Variants in UQCRC2 observed in about 807,000 individuals in gnomAD.
UQCRC2 encodes ubiquinol-cytochrome c reductase core protein 2.
UQCRC2 carries 49 observed loss-of-function variants against 55.6 expected under a neutral mutation model. The ratio of observed to expected loss-of-function variants is 0.88; its 90% CI spans 0.70 to 1.12. The LOEUF (loss-of-function observed/expected upper bound fraction) is 1.12. Among genes scored for constraint, UQCRC2 ranks in the 50% most tolerant of loss-of-function variants. The probability of loss-of-function intolerance (pLI) is 0.00; values close to 1 mark genes in which losing one functional copy is unlikely to be tolerated. For synonymous variants in UQCRC2, 193 were observed against 192.0 expected (o/e 1.01, Z -0.04); for missense variants, 506 against 547.8 (o/e 0.92, Z 0.76).
At chr16:21,962,595 A>G (rs1053007057) in intron 5 of UQCRC2, 79 bp downstream of exon 5, 1 of 1,601,050 alleles carries the variant, frequency 6.2e-7, no homozygotes, top group Non-Finnish European at 8.6e-7. Flanking sequence ...GTAATGCGTC[A>G]TTATGACCTC....
intron 13 of UQCRC2, 149 bp downstream of exon 13, chr16:21,980,849 CA>C: frequency 1.1e-6 from 1 of 885,436 alleles, no homozygotes; most frequent in Non-Finnish European, 1.6e-6. Flanking sequence ...GGCTCATTCC[CA>C]TAAGATCCGC....
At chr16:21,953,585 G>C in intron 1 of UQCRC2, 129 bp downstream of exon 1, 2 of 1,194,228 alleles carry the variant, frequency 1.7e-6, no homozygotes, top group Non-Finnish European at 2.3e-6. Context: ...AACCCTGCGG[G>C]CCAAGTGGGC....
chr16:21,962,410 G>A, intron 4 of UQCRC2, 50 bp from the exon 5 acceptor site: 2 of 1,604,442 alleles, frequency 1.2e-6, no homozygotes, highest in Non-Finnish European at 1.7e-6. Flanking sequence ...ATAAGGGAAA[G>A]CTTACTATCC....
intron 1 of UQCRC2, among the ~76,000 whole-genome samples, chr16:21,955,646 A>G (rs1185144900): frequency 6.6e-6 from 1 of 152,234 alleles, no homozygotes; most frequent in Non-Finnish European, 1.5e-5. Flanking sequence ...CATTTTATAT[A>G]TTGAGAATCT....
rs758425917 is a variant in UQCRC2 at position 21,953,401 on chromosome 16, G to T, written c.-23G>T. ...GCTTTCCTTTAATCCGGCAGTGACC[G>T]TGTGTCAGAACAATCTTGAATCATG... On this transcript the variant is annotated 5_prime_UTR_variant, in exon 1 of 14. Transcript: ENST00000268379. The T allele has an allele frequency of 6.2e-7, 1 of 1,612,332 alleles. No homozygotes were observed. The highest frequency in any genetic ancestry group is 1.7e-5 in the Admixed American group (1 of 59,836).
intron 12 of UQCRC2, chr16:21,980,340 G>T (rs959111567): frequency 2.8e-5 from 16 of 574,146 alleles, no homozygotes; most frequent in Non-Finnish European, 4.7e-5. Flanking sequence ...TGGCAACCCT[G>T]AAGAGACTTC....
Position 21,957,568 on chromosome 16 carries a change from T to C in UQCRC2, c.267+2T>C. Reference sequence around the variant, plus strand: ...TTGCTGCGTCTTACATCCAGTCTGGTGAGTATCTTCACTTCCTCAAGTGTT... The same window carrying C: ...TTGCTGCGTCTTACATCCAGTCTGGCGAGTATCTTCACTTCCTCAAGTGTT... On this transcript the variant is annotated splice_donor_variant, in intron 3 of 13. Transcript: ENST00000268379. LOFTEE classifies it high-confidence loss of function. 3 of 1,613,872 alleles carry C rather than the reference T, an allele frequency of 1.9e-6. No individual in the cohort carries two copies. Among genetic ancestry groups the C allele is most frequent in the Non-Finnish European group, 2.5e-6 (3 of 1,179,942 alleles).
intron 10 of UQCRC2, among the ~76,000 whole-genome samples, chr16:21,972,998 G>A (rs1424049901): frequency 6.6e-6 from 1 of 152,186 alleles, no homozygotes; most frequent in African/African-American, 2.4e-5. Context: ...TACTTGGGAG[G>A]CTGAGGCAGA....
At chr16:21,974,204 G>C (rs951912181) in intron 11 of UQCRC2, among the ~76,000 whole-genome samples, 1 of 152,140 alleles carries the variant, frequency 6.6e-6, no homozygotes, top group African/African-American at 2.4e-5. Flanking sequence ...TTTTGGTTCT[G>C]GTTGGACAAG....
In UQCRC2 at chr16:21,965,489, A is replaced by G. The variant is rs1429537164; in HGVS notation, c.596A>G (p.Lys199Arg). 9.3e-6 allele frequency: 15 copies of G among 1,605,408 alleles called. No homozygotes were observed. Among genetic ancestry groups the G allele is most frequent in the Non-Finnish European group, 1.2e-5 (14 of 1,177,244 alleles). Reference protein sequence around the residue: ...PLYCPDYRIGKVTSEELHYFV... With the variant: ...PLYCPDYRIGRVTSEELHYFV... ...TATTGTCCTGACTATAGGATTGGAA[A>G]AGTGACATCAGAGGAGGTACCAATA... is the stretch of plus-strand genomic sequence containing the variant. The change falls in exon 7 of 14, where the codon AAA becomes AGA. Residue 199 changes from lysine to arginine, a missense_variant. By Grantham distance (26) the Lys-to-Arg change is conservative. Coordinates refer to ENST00000268379, the MANE Select transcript of UQCRC2 (RefSeq NM_003366.4).
At chr16:21,971,739 A>G (rs2141941303) in intron 9 of UQCRC2, 119 bp downstream of exon 9, 1 of 1,328,474 alleles carries the variant, frequency 7.5e-7, no homozygotes, top group Middle Eastern at 1.8e-4. Context: ...ATAGAATTGG[A>G]TGGCTTGGGT....
intron 7 of UQCRC2, among the ~76,000 whole-genome samples, chr16:21,967,100 T>G (rs1264522037): frequency 6.6e-6 from 1 of 152,184 alleles, no homozygotes; most frequent in African/African-American, 2.4e-5. Flanking sequence ...AAGTTAATAG[T>G]ATTTTTTAAA....
At chr16:21,962,704 C>A (rs1898232732) in intron 5 of UQCRC2, 57 bp from the exon 6 acceptor site, 15 of 1,611,172 alleles carry the variant, frequency 9.3e-6, no homozygotes, top group Non-Finnish European at 1.3e-5. Context: ...TATGTAGAAT[C>A]TCAAATGTTG....
At position 21,980,443 on chromosome 16, in the gene UQCRC2, A is replaced by G. The variant is rs185152753; in HGVS notation, c.1125-104A>G. ...GAAGAGGGAGACACGCTGTTACTCT[A>G]TCCATTAAATAAAGCTTTGATGTTC... On this transcript the variant is annotated intron_variant, in intron 12 of 13. Transcript: ENST00000268379. The G allele has an allele frequency of 8.1e-5, 98 of 1,209,476 alleles. 1 individual carries two copies. Among genetic ancestry groups the G allele is most frequent in the Admixed American group, 5.9e-4 (27 of 45,860 alleles). 74.9% of individuals were successfully genotyped at this position (1,209,476 alleles called of 1,614,324 possible). A position where few individuals can be genotyped will look rare whatever the true frequency, so the allele number is the denominator to read the frequency against.
At chr16:21,963,011 CAG>C (rs1195736114) in intron 6 of UQCRC2, 126 bp downstream of exon 6, 4 of 1,241,814 alleles carry the variant, frequency 3.2e-6, no homozygotes, top group Non-Finnish European at 2.1e-6. Context: ...TGTTTTGAGA[CAG>C]AGTCTCACTC....
intron 10 of UQCRC2, among the ~76,000 whole-genome samples, chr16:21,972,914 A>C (rs1898496230): frequency 6.6e-6 from 1 of 152,196 alleles, no homozygotes; most frequent in Admixed American, 6.5e-5. Flanking sequence ...ATCCTGGCTA[A>C]CACAGTGAAA....
chr16:21,969,693 A>G (rs1444430061), intron 8 of UQCRC2, among the ~76,000 whole-genome samples: 2 of 152,180 alleles, frequency 1.3e-5, no homozygotes, highest in African/African-American at 2.4e-5. Context: ...TATAATTTAC[A>G]TGCTATAAAA....
intron 4 of UQCRC2, among the ~76,000 whole-genome samples, chr16:21,961,626 T>G (rs1464462974): frequency 1.6e-5 from 1 of 64,476 alleles, no homozygotes; most frequent in African/African-American, 3.5e-5. Flanking sequence ...AACATAAAAT[T>G]TATATATATA....
intron 3 of UQCRC2, among the ~76,000 whole-genome samples, chr16:21,958,119 C>T (rs1409419798): frequency 6.6e-6 from 1 of 152,078 alleles, no homozygotes. Flanking sequence ...CCAGTACTGT[C>T]CCCTAATGTA....
Sources: gnomAD v4.1 joint callset for allele counts (sites outside exome capture counted in the v4.1 genomes callset) on GRCh38, gnomAD v4.1.1 for gene constraint, MANE v1.5 for transcripts, NCBI Gene and HGNC (gene_info 2026-07-23, HGNC 2026-07-21) for gene names.